Variants in POLRMT observed in about 807,000 individuals in gnomAD.
POLRMT encodes the protein DNA-directed RNA polymerase, mitochondrial.
In POLRMT, 114 loss-of-function variants were observed where a neutral mutation model predicts 132.2. The observed-to-expected ratio is 0.86, with a 90% CI of 0.74 to 1.01. The LOEUF (loss-of-function observed/expected upper bound fraction) is 1.01. Ranked by LOEUF, POLRMT falls within the 50% of genes least tolerant of loss-of-function variation. The pLI is 0.00. For missense variants in POLRMT, 2,003 were observed against 1,729.1 expected (o/e 1.16, Z -2.81); for synonymous variants, 1,020 against 773.4 (o/e 1.32, Z -5.29).
chr19:630,831 G>C (rs964416160), intron 2 of POLRMT, among the ~76,000 whole-genome samples: 5 of 152,226 alleles, frequency 3.3e-5, no homozygotes, highest in Admixed American at 2.6e-4. Flanking sequence ...CAATGCCTAA[G>C]TGTTCTGTAT....
Position 621,438 on chromosome 19 carries a change from G to T in POLRMT, c.2260C>A (p.Arg754Ser), listed in dbSNP as rs932134994. The T allele has an allele frequency of 5.5e-6, 8 of 1,446,672 alleles. No homozygotes were observed. Among genetic ancestry groups the T allele is most frequent in the African/African-American group, 3.0e-5 (2 of 67,078 alleles). The allele number at this position is 1,446,672 out of a possible 1,614,324, so 89.6% of individuals were successfully genotyped here. The change falls in exon 10 of 21, where the codon CGC becomes AGC. Residue 754 changes from arginine to serine, a missense_variant. Coordinates refer to ENST00000588649, the MANE Select transcript of POLRMT (RefSeq NM_005035.4). ...AHLPHSAAPA[R>S]KAELRRELAH... Reference sequence around the variant, plus strand: ...AGCTCACGGCGCAGCTCGGCCTTGCGGGCGGGCGCGGCGCTGTGCGGCAGG... The same window carrying T: ...AGCTCACGGCGCAGCTCGGCCTTGCTGGCGGGCGCGGCGCTGTGCGGCAGG...
chr19:622,124 A>G (rs1361028494), intron 9 of POLRMT, 25 bp downstream of exon 9: 1 of 1,511,200 alleles, frequency 6.6e-7, no homozygotes, highest in Admixed American at 2.0e-5. Flanking sequence ...GATGCCCCCC[A>G]GCTCAGGAGG....
At chr19:620,126 G>C (rs539584173) in intron 11 of POLRMT, 46 bp from the exon 12 acceptor site, 1 of 1,530,352 alleles carries the variant, frequency 6.5e-7, no homozygotes, top group South Asian at 1.2e-5. Flanking sequence ...GAGAGGCAGA[G>C]ACGTGTGGGA....
intron 11 of POLRMT, 47 bp downstream of exon 11, chr19:620,318 C>T (rs764575228): frequency 4.6e-6 from 7 of 1,510,806 alleles, no homozygotes; most frequent in African/African-American, 2.8e-5. Flanking sequence ...GAGCCCCAGG[C>T]CCAGTGCACA....
chr19:625,447 GC>G (rs1193930244), intron 3 of POLRMT, 193 bp from the exon 4 acceptor site: 2 of 640,374 alleles, frequency 3.1e-6, no homozygotes, highest in Non-Finnish European at 5.1e-6. Context: ...AGAGGCAGCC[GC>G]ATGGCCCGCC....
chr19:620,146 AC>A lies in POLRMT; in HGVS notation c.2764-67del. The A allele has an allele frequency of 7.3e-6, 11 of 1,497,602 alleles. No individual in the cohort carries two copies. In the Admixed American group the frequency reaches 8.1e-5, roughly 11 times the overall value. The allele number at this position is 1,497,602 out of a possible 1,614,324, so 92.8% of individuals were successfully genotyped here. A position where few individuals can be genotyped will look rare whatever the true frequency, so the allele number is the denominator to read the frequency against. On this transcript the variant is annotated intron_variant, in intron 11 of 20. Coordinates refer to ENST00000588649, the MANE Select transcript of POLRMT (RefSeq NM_005035.4). The stretch of plus-strand genomic sequence containing the variant: ...GCAGAGACGTGTGGGACCCCAAACC[AC>A]CCCCCAGGTCGAGCCGTTCCTAGGG...
chr19:633,430 T>C lies in POLRMT; in HGVS notation c.83A>G (p.Lys28Arg). ...GCCGTCTCCCTTTGTGTTACCTTCT[T>C]TGCCGGGGAGTCCCGGGCGGCCGCA... The part of the protein sequence containing the change: ...RPCGRPGLPG[K>R]EGTAGGVCGP... The change falls in exon 1 of 21, where the codon AAA becomes AGA. Residue 28 changes from lysine (K) to arginine (R), a missense_variant. Lys to Arg is a conservative substitution (Grantham distance 26). Coordinates refer to ENST00000588649, the MANE Select transcript of POLRMT (RefSeq NM_005035.4). The C allele has an allele frequency of 6.5e-7, 1 of 1,548,572 alleles. No homozygotes were observed. The highest frequency in any genetic ancestry group is 1.2e-5 in the South Asian group (1 of 82,324).
At chr19:625,098 G>A (rs752013870) in intron 4 of POLRMT, 26 bp downstream of exon 4, 3 of 1,604,854 alleles carry the variant, frequency 1.9e-6, no homozygotes, top group Admixed American at 1.7e-5. Flanking sequence ...ATGGTGGGGG[G>A]TGGGGGCCCT....
chr19:622,452 TG>T, intron 8 of POLRMT, 79 bp from the exon 9 acceptor site: 1 of 1,460,674 alleles, frequency 6.8e-7, no homozygotes, highest in Non-Finnish European at 9.1e-7. Flanking sequence ...TGACGCCCGG[TG>T]GGGCATCTGT....
At position 630,139 on chromosome 19, in the gene POLRMT, C is replaced by A. The variant is rs768167414; in HGVS notation, c.223G>T (p.Ala75Ser). The change falls in exon 3 of 21, where the codon GCT becomes TCT. Residue 75 changes from alanine (A) to serine (S), a missense_variant. Physicochemically the swap from Ala to Ser is moderately conservative, Grantham distance 99. Coordinates refer to ENST00000588649, the MANE Select transcript of POLRMT (RefSeq NM_005035.4). Reference sequence around the variant, plus strand: ...ACCACCACCTCCGACACGCTCTCAGCCTGCAGCTGCCGCACCCGCGCCTGG... The same window carrying A: ...ACCACCACCTCCGACACGCTCTCAGACTGCAGCTGCCGCACCCGCGCCTGG... ...VLQARVRQLQ[A>S]ESVSEVVVNR... 1.9e-6 allele frequency: 3 copies of A among 1,604,334 alleles called. No homozygotes were observed. The highest frequency in any genetic ancestry group is 2.2e-5 in the East Asian group (1 of 44,710).
At chr19:617,731 G>C (rs1984107595) in intron 18 of POLRMT, 46 bp downstream of exon 18, 2 of 1,609,928 alleles carry the variant, frequency 1.2e-6, no homozygotes, top group African/African-American at 1.3e-5. Flanking sequence ...GCCCCAGTGT[G>C]GGGGCCCCAC....
Position 619,761 on chromosome 19 carries a change from T to C in POLRMT, c.2891A>G (p.Glu964Gly). 6.4e-7 allele frequency: 1 copy of C among 1,572,710 alleles called. No individual in the cohort carries two copies. The highest frequency in any genetic ancestry group is 8.6e-7 in the Non-Finnish European group (1 of 1,158,788). The stretch of plus-strand genomic sequence containing the variant: ...CTGGGCGTCCTGCCTACGGAACACC[T>C]CCACCTGCACGGCGGGTGGGCCGGG... ...DVYSGVAAQV[E>G]VFRRQDAQRG... Residue 964 changes from glutamate to glycine, a missense_variant, in exon 13 of 21, where the codon GAG becomes GGG. Coordinates refer to ENST00000588649, the MANE Select transcript of POLRMT (RefSeq NM_005035.4).
At chr19:620,981 C>G (rs1984516404) in intron 10 of POLRMT, 77 bp downstream of exon 10, 2 of 753,538 alleles carry the variant, frequency 2.7e-6, no homozygotes, top group South Asian at 2.5e-5. Context: ...GCGGGGGCGC[C>G]GGGGGAGGGC....
In POLRMT at chr19:623,360, C is replaced by G; in HGVS notation, c.1290+94G>C. 5.2e-6 allele frequency: 8 copies of G among 1,535,454 alleles called. No homozygotes were observed. The South Asian group carries it at 9.8e-5, about 19-fold the overall frequency. ...ACACGCGACCCCGGCTCAGCCCCTG[C>G]GGCGGACACGGGACCCCGGCTCAGC... On this transcript the variant is annotated intron_variant, in intron 6 of 20. Transcript: ENST00000588649.
In POLRMT at chr19:625,388, G is replaced by C. The variant is rs1203247348; in HGVS notation, c.823-134C>G. ...GTCACCAGGCAGGAGTGGCCAGCTG[G>C]GCAGACCGATGCATCCCCCTGAGGT... is the stretch of plus-strand genomic sequence containing the variant. On this transcript the variant is annotated intron_variant, in intron 3 of 20. Transcript: ENST00000588649. The C allele has an allele frequency of 3.2e-6, 4 of 1,232,734 alleles. No homozygotes were observed. The Admixed American group carries it at 6.8e-5, about 21-fold the overall frequency. The allele number at this position is 1,232,734 out of a possible 1,614,324, so 76.4% of individuals were successfully genotyped here. A position where few individuals can be genotyped will look rare whatever the true frequency, so the allele number is the denominator to read the frequency against.
intron 2 of POLRMT, among the ~76,000 whole-genome samples, chr19:632,552 C>T (rs1568178743): frequency 6.6e-6 from 1 of 151,594 alleles, no homozygotes; most frequent in Non-Finnish European, 1.5e-5. Flanking sequence ...GGGGGTCTCT[C>T]CAGACATAAT....
rs142731690 is a variant in POLRMT, at chr19:621,706, C to T, written c.1992G>A (p.Leu664=). 3.1e-6 allele frequency: 5 copies of T among 1,590,438 alleles called. No individual in the cohort carries two copies. The highest frequency in any genetic ancestry group is 2.2e-5 in the South Asian group (2 of 89,796). ...TGCGCATCAGCTTGGTGGGGCTGAG[C>T]AGGAAAGCACCAGAGTGCGGCGATG... is the stretch of plus-strand genomic sequence containing the variant. ...PWTSPHSGAF[L]LSPTKLMRTV... The change falls in exon 10 of 21, where the codon CTG becomes CTA. Residue 664 remains leucine (L), a synonymous_variant. Coordinates refer to ENST00000588649, the MANE Select transcript of POLRMT (RefSeq NM_005035.4).
Position 622,248 on chromosome 19 carries a change from C to T in POLRMT, c.1752G>A (p.Val584=). 6.4e-7 allele frequency: 1 copy of T among 1,561,690 alleles called. No individual in the cohort carries two copies. Among genetic ancestry groups the T allele is most frequent in the Non-Finnish European group, 8.7e-7 (1 of 1,154,898 alleles). The part of the protein sequence containing the change: ...ELGKLLAEML[V]QATQMPCSLD... ...GGCTGCATGGCATCTGCGTAGCCTGCACCAGCATCTCCGCCAGCAGCTTGC... is the reference window on the plus strand; with the variant it reads ...GGCTGCATGGCATCTGCGTAGCCTGTACCAGCATCTCCGCCAGCAGCTTGC... The change falls in exon 9 of 21, where the codon GTG becomes GTA. Residue 584 remains valine (V), a synonymous_variant. Coordinates refer to ENST00000588649, the MANE Select transcript of POLRMT (RefSeq NM_005035.4).
chr19:629,125 G>A (rs892131333), intron 3 of POLRMT, among the ~76,000 whole-genome samples: 3 of 152,314 alleles, frequency 2.0e-5, no homozygotes, highest in Middle Eastern at 3.4e-3. Context: ...TGCGGCGCCA[G>A]TGAACACCCA....
Sources: allele counts gnomAD v4.1 joint callset (sites outside exome capture counted in the v4.1 genomes callset), GRCh38; gene constraint gnomAD v4.1.1; transcripts MANE v1.5; gene names NCBI Gene and HGNC (gene_info 2026-07-23, HGNC 2026-07-21).